The following CSF2RB variants were observed in gnomAD, a reference collection of about 807,000 sequenced individuals.
CSF2RB encodes cytokine receptor common subunit beta.
Under a neutral mutation model 67.2 loss-of-function variants are expected in CSF2RB, and 22 were observed. The ratio of observed to expected loss-of-function variants is 0.33; its 90% CI spans 0.23 to 0.47. CSF2RB has a LOEUF of 0.47. CSF2RB is among the 20% of genes least tolerant of loss of function. CSF2RB has a pLI of 1.00. For missense variants in CSF2RB, 1,113 were observed against 1,174.5 expected (o/e 0.95, Z 0.76); for synonymous variants, 507 against 482.9 (o/e 1.05, Z -0.65).
In CSF2RB at chr22:36,937,433, C is replaced by A. The variant is rs748226217; in HGVS notation, c.1625C>A (p.Pro542His). The change falls in exon 14 of 14, where the codon CCC becomes CAC. Residue 542 changes from proline to histidine, a missense_variant. By Grantham distance (77) the Pro-to-His change is moderately conservative. This residue lies in a region of CSF2RB where 554 missense variants were observed against 517.9 expected (regional missense o/e 1.07). Coordinates refer to ENST00000403662, the MANE Select transcript of CSF2RB (RefSeq NM_000395.3). The surrounding 1 kb of genome is among the most constrained non-coding windows in gnomAD (Gnocchi z 4.6). ...GTGTCACCTCTCACCATAGAGGACC[C>A]CAAGCATGTCTGTGATCCACCATCT... ...SEVSPLTIED[P>H]KHVCDPPSGP... 10 of 1,614,098 alleles carry A rather than the reference C, an allele frequency of 6.2e-6. No individual in the cohort carries two copies. In the South Asian group the frequency reaches 1.1e-4, roughly 18 times the overall value.
chr22:36,928,968 G>A (rs967216165), intron 4 of CSF2RB, among the ~76,000 whole-genome samples: 1 of 152,168 alleles, frequency 6.6e-6, no homozygotes, highest in Non-Finnish European at 1.5e-5. Flanking sequence ...TCCTAGAGCC[G>A]GAGGCATTTG....
rs375819512 is a variant in CSF2RB at position 36,926,151 on chromosome 22, G to A, written c.365G>A (p.Arg122Gln). The A allele has an allele frequency of 1.2e-5, 20 of 1,614,012 alleles. No individual in the cohort carries two copies. The highest frequency in any genetic ancestry group is 1.4e-5 in the Non-Finnish European group (17 of 1,180,046). ...SFQPDRPLGT[R>Q]LTVTLTQHVQ... Reference sequence around the variant, plus strand: ...CAACCAGACAGGCCTCTGGGCACCCGGCTCACCGTCACTCTGACCCAGCAT... The same window carrying A: ...CAACCAGACAGGCCTCTGGGCACCCAGCTCACCGTCACTCTGACCCAGCAT... Residue 122 changes from arginine (R) to glutamine (Q), a missense_variant, in exon 4 of 14, where the codon CGG becomes CAG. Arg to Gln is a conservative substitution (Grantham distance 43, BLOSUM62 1). This residue lies in a region of CSF2RB where 559 missense variants were observed against 656.5 expected (regional missense o/e 0.85). Transcript: ENST00000403662.
intron 3 of CSF2RB, chr22:36,923,770 A>G: frequency 7.7e-7 from 1 of 1,294,634 alleles, no homozygotes; most frequent in Non-Finnish European, 1.0e-6. Context: ...CCAAGGAGAG[A>G]TGGCGCTAGC....
In CSF2RB at chr22:36,935,665, C is replaced by G; in HGVS notation, c.1442C>G (p.Pro481Arg). Residue 481 changes from proline (P) to arginine (R), a missense_variant, in exon 12 of 14, where the codon CCC becomes CGC. Pro to Arg is a moderately radical substitution (Grantham distance 103, BLOSUM62 -2). This residue lies in a region of CSF2RB where 559 missense variants were observed against 656.5 expected (regional missense o/e 0.85). Transcript: ENST00000403662. ...RRKWEEKIPN[P>R]SKSHLFQNGS... ...AAGTGGGAGGAGAAGATCCCCAACC[C>G]CAGCAAGAGCCACCTGTTCCAGGTA... is the stretch of plus-strand genomic sequence containing the variant. 1 of 1,614,166 alleles carries G rather than the reference C, an allele frequency of 6.2e-7. No individual in the cohort carries two copies. The highest frequency in any genetic ancestry group is 8.5e-7 in the Non-Finnish European group (1 of 1,180,014).
intron 1 of CSF2RB, among the ~76,000 whole-genome samples, chr22:36,914,393 C>A (rs1461234050): frequency 6.9e-6 from 1 of 145,726 alleles, no homozygotes; most frequent in East Asian, 2.0e-4. Flanking sequence ...CCAGCAATCT[C>A]TCTCTCTCTC....
At position 36,937,439 on chromosome 22, in the gene CSF2RB, A is replaced by T. The variant is rs369896556; in HGVS notation, c.1631A>T (p.His544Leu). The change falls in exon 14 of 14, where the codon CAT (histidine) becomes CTT (leucine). Residue 544 changes from histidine to leucine, a missense_variant. Around this residue, in one of 2 missense-constraint regions of CSF2RB, gnomAD observed 554 missense variants for 517.9 expected, o/e 1.07. Transcript: ENST00000403662. This position sits in a 1 kb window ranked among gnomAD's most constrained non-coding sequence, Gnocchi z 4.6. ...VSPLTIEDPK[H>L]VCDPPSGPDT... ...CCTCTCACCATAGAGGACCCCAAGC[A>T]TGTCTGTGATCCACCATCTGGGCCT... The T allele has an allele frequency of 6.2e-7, 1 of 1,613,898 alleles. No individual in the cohort carries two copies. Among genetic ancestry groups the T allele is most frequent in the African/African-American group, 1.3e-5 (1 of 74,888 alleles).
intron 4 of CSF2RB, 117 bp from the exon 5 acceptor site, chr22:36,929,285 C>A: frequency 7.2e-7 from 1 of 1,385,708 alleles, no homozygotes. Context: ...CAAGGTCCCT[C>A]AGCTGCTGGG....
At position 36,932,810 on chromosome 22, in the gene CSF2RB, G is replaced by A. The variant is rs1331306684; in HGVS notation, c.1058G>A (p.Ser353Asn). 1 of 1,614,010 alleles carries A rather than the reference G, an allele frequency of 6.2e-7. No individual in the cohort carries two copies. Residue 353 changes from serine (S) to asparagine (N), a missense_variant, in exon 9 of 14, where the codon AGC becomes AAC. Physicochemically the swap from Ser to Asn is conservative, Grantham distance 46. Coordinates refer to ENST00000403662, the MANE Select transcript of CSF2RB (RefSeq NM_000395.3). ...CTCAACGTGACCAAGGATGGAGACA[G>A]CTACAGCCTGCGCTGGGAAACAATG... ...PSLNVTKDGDSYSLRWETMKM... is the reference protein window; with the variant it reads ...PSLNVTKDGDNYSLRWETMKM...
intron 3 of CSF2RB, chr22:36,923,720 G>A (rs754907525): frequency 3.4e-5 from 44 of 1,312,500 alleles, no homozygotes; most frequent in East Asian, 5.1e-5. Flanking sequence ...GCCAGGCCAC[G>A]AAGCCCCAGC....
intron 6 of CSF2RB, 90 bp downstream of exon 6, chr22:36,929,897 TG>T (rs2145806247): frequency 6.6e-7 from 1 of 1,506,226 alleles, no homozygotes; most frequent in East Asian, 2.5e-5. Flanking sequence ...GGGCTCCACC[TG>T]GGGGCTTCCC....
intron 5 of CSF2RB, 31 bp downstream of exon 5, chr22:36,929,590 C>T (rs902433304): frequency 1.2e-5 from 20 of 1,614,064 alleles, no homozygotes; most frequent in Middle Eastern, 3.3e-4. Context: ...TGCCCCAGCC[C>T]GAAGGGATGG....
intron 4 of CSF2RB, among the ~76,000 whole-genome samples, chr22:36,926,466 A>C (rs1455590896): frequency 6.6e-6 from 1 of 152,250 alleles, no homozygotes; most frequent in Non-Finnish European, 1.5e-5. Flanking sequence ...TTAGAAACCT[A>C]CCAAGTTAGA....
chr22:36,920,337 G>T (rs998957596), intron 1 of CSF2RB, among the ~76,000 whole-genome samples: 5 of 152,190 alleles, frequency 3.3e-5, no homozygotes, highest in African/African-American at 9.7e-5. Context: ...AGTTTATGTT[G>T]CAACCTAATC....
At position 36,938,085 on chromosome 22, in the gene CSF2RB, G is replaced by A; in HGVS notation, c.2277G>A (p.Val759=). The part of the protein sequence containing the change: ...ASGPPGAPGP[V]KSGFEGYVEL... ...GACCCCCTGGAGCCCCAGGCCCTGT[G>A]AAGTCAGGGTTTGAGGGCTATGTGG... The change falls in exon 14 of 14, where the codon GTG becomes GTA. Residue 759 remains valine (V), a synonymous_variant. Transcript: ENST00000403662. 6.2e-7 allele frequency: 1 copy of A among 1,614,018 alleles called. No individual in the cohort carries two copies. The highest frequency in any genetic ancestry group is 8.5e-7 in the Non-Finnish European group (1 of 1,179,970).
At position 36,937,920 on chromosome 22, in the gene CSF2RB, C is replaced by A. The variant is rs1941306098; in HGVS notation, c.2112C>A (p.Asp704Glu). Residue 704 changes from aspartate to glutamate, a missense_variant, in exon 14 of 14, where the codon GAC becomes GAA. Asp to Glu is a conservative substitution (Grantham distance 45). This residue lies in a region of CSF2RB where 554 missense variants were observed against 517.9 expected (regional missense o/e 1.07). Transcript: ENST00000403662. This position sits in a 1 kb window ranked among gnomAD's most constrained non-coding sequence, Gnocchi z 4.6. Reference sequence around the variant, plus strand: ...CCATGAGCTCTGGGGACACTGAGGACCCTGGAGTGGCCTCTGGTTATGTCT... The same window carrying A: ...CCATGAGCTCTGGGGACACTGAGGAACCTGGAGTGGCCTCTGGTTATGTCT... The part of the protein sequence containing the change: ...AIPMSSGDTE[D>E]PGVASGYVSS... The A allele has an allele frequency of 1.9e-6, 3 of 1,614,134 alleles. No individual in the cohort carries two copies. The highest frequency in any genetic ancestry group is 1.6e-4 in the Middle Eastern group (1 of 6,062).
intron 8 of CSF2RB, among the ~76,000 whole-genome samples, chr22:36,932,434 C>CA (rs55664200): frequency 0.023 from 2,518 of 107,328 alleles, 66 homozygotes; most frequent in South Asian, 0.059. Flanking sequence ...GACTCCGTCT[C>CA]AAAAAAAAAA....
intron 3 of CSF2RB, among the ~76,000 whole-genome samples, chr22:36,924,085 G>T (rs556141248): frequency 1.3e-5 from 2 of 152,050 alleles, no homozygotes; most frequent in Admixed American, 1.3e-4. Flanking sequence ...TCACCCCAGC[G>T]TTGGGGGGCG....
chr22:36,933,635 G>A (rs990756199), intron 9 of CSF2RB, among the ~76,000 whole-genome samples, 197 bp from the exon 10 acceptor site: 1 of 152,206 alleles, frequency 6.6e-6, no homozygotes, highest in Admixed American at 6.5e-5. Context: ...ACTGACAGGT[G>A]GAGTCCCCGG....
At chr22:36,933,497 G>A (rs556084274) in intron 9 of CSF2RB, among the ~76,000 whole-genome samples, 34 of 152,322 alleles carry the variant, frequency 2.2e-4, no homozygotes, top group East Asian at 1.4e-3. Context: ...CCTGCACTGC[G>A]TTCCTAAAAA....
Sources: allele counts gnomAD v4.1 joint callset (sites outside exome capture counted in the v4.1 genomes callset), GRCh38; gene constraint gnomAD v4.1.1; regional missense constraint gnomAD v4.1.1; non-coding constraint Gnocchi (gnomAD v3.1); transcripts MANE v1.5; gene names NCBI Gene and HGNC (gene_info 2026-07-23, HGNC 2026-07-21).